The following NUP214 variants were observed in gnomAD, a reference collection of about 807,000 sequenced individuals.
NUP214 encodes nucleoporin 214, also known as nuclear pore complex protein Nup214.
In NUP214, 79 loss-of-function variants were observed where a neutral mutation model predicts 196.2. That is an observed-to-expected ratio of 0.40 (90% CI 0.34 to 0.49). The LOEUF (loss-of-function observed/expected upper bound fraction) is 0.49, where lower values mean the gene tolerates loss of function less well. NUP214 is among the 20% of genes least tolerant of loss of function. NUP214 has a pLI of 0.58. For synonymous variants in NUP214, 1,020 were observed against 990.5 expected (o/e 1.03, Z -0.56); for missense variants, 2,468 against 2,539.0 (o/e 0.97, Z 0.60).
At chr9:131,219,318 C>T (rs1021376129) in intron 31 of NUP214, among the ~76,000 whole-genome samples, 4 of 152,330 alleles carry the variant, frequency 2.6e-5, no homozygotes, top group South Asian at 4.1e-4. Flanking sequence ...GTTTACAGAA[C>T]GTCTCCCAGG....
At chr9:131,135,498 C>T (rs1831698913) in intron 8 of NUP214, among the ~76,000 whole-genome samples, 2 of 152,154 alleles carry the variant, frequency 1.3e-5, no homozygotes, top group Admixed American at 6.5e-5. Flanking sequence ...TAAATACATA[C>T]TAATTTCAAA....
At chr9:131,221,449 G>A (rs1334544080) in intron 31 of NUP214, among the ~76,000 whole-genome samples, 1 of 152,232 alleles carries the variant, frequency 6.6e-6, no homozygotes, top group African/African-American at 2.4e-5. Flanking sequence ...TGGATTAAGA[G>A]CATTGCATCT....
In NUP214 at chr9:131,129,373, C is replaced by A. The variant is rs746152867; in HGVS notation, c.488C>A (p.Ser163Tyr). 30 of 1,613,964 alleles carry A rather than the reference C, an allele frequency of 1.9e-5. No individual in the cohort carries two copies. The highest frequency in any genetic ancestry group is 2.7e-5 in the African/African-American group (2 of 74,926). ...IDMKWNPTVP[S>Y]MVAVCLADGS... The stretch of plus-strand genomic sequence containing the variant: ...ATGAAGTGGAACCCCACTGTCCCCT[C>A]CATGGTGGCAGTTTGTCTGGCTGAT... The change falls in exon 4 of 36, where the codon TCC becomes TAC. Residue 163 changes from serine (S) to tyrosine (Y), a missense_variant. By Grantham distance (144) the Ser-to-Tyr change is moderately radical. Coordinates refer to ENST00000359428, the MANE Select transcript of NUP214 (RefSeq NM_005085.4).
At chr9:131,139,953 G>C (rs1260591272) in intron 10 of NUP214, among the ~76,000 whole-genome samples, 1 of 152,156 alleles carries the variant, frequency 6.6e-6, no homozygotes, top group Non-Finnish European at 1.5e-5. Flanking sequence ...TTGCCATCTG[G>C]TACTTAAGTT....
chr9:131,125,893 C>T lies in NUP214; in HGVS notation c.45+144C>T. On this transcript the variant is annotated intron_variant, in intron 1 of 35. Transcript: ENST00000359428. This position sits in a 1 kb window ranked among gnomAD's most constrained non-coding sequence, Gnocchi z 4.1. Reference sequence around the variant, plus strand: ...TCACAGCTCTCACCAGCGCGTCTGCCGCGCCGCTGGCGTGATAGCCCCACC... The same window carrying T: ...TCACAGCTCTCACCAGCGCGTCTGCTGCGCCGCTGGCGTGATAGCCCCACC... 1.0e-6 allele frequency: 1 copy of T among 1,003,762 alleles called. No homozygotes were observed. The highest frequency in any genetic ancestry group is 1.5e-5 in the South Asian group (1 of 67,564). 62.2% of individuals were successfully genotyped at this position (1,003,762 alleles called of 1,614,324 possible). A position where few individuals can be genotyped will look rare whatever the true frequency, so the allele number is the denominator to read the frequency against.
At chr9:131,135,179 T>G in intron 8 of NUP214, 175 bp downstream of exon 8, 1 of 535,046 alleles carries the variant, frequency 1.9e-6, no homozygotes, top group Non-Finnish European at 3.3e-6. Flanking sequence ...AGCCTGGAAC[T>G]CCCAGGCTCA....
intron 17 of NUP214, among the ~76,000 whole-genome samples, chr9:131,156,073 A>G (rs1449311581): frequency 2.0e-5 from 3 of 151,078 alleles, no homozygotes; most frequent in African/African-American, 7.3e-5. Flanking sequence ...TTTTGACAGC[A>G]TGGTCATTTT....
chr9:131,130,468 CCTT>C (rs1186820028), intron 4 of NUP214, among the ~76,000 whole-genome samples: 1 of 152,186 alleles, frequency 6.6e-6, no homozygotes, highest in Non-Finnish European at 1.5e-5. Context: ...TATTTGGAAA[CCTT>C]CTCTGTTCTC....
At chr9:131,186,251 C>T (rs1460910674) in intron 24 of NUP214, among the ~76,000 whole-genome samples, 1 of 152,226 alleles carries the variant, frequency 6.6e-6, no homozygotes, top group Non-Finnish European at 1.5e-5. Flanking sequence ...CTGCTTCTGG[C>T]TTCAGTAGAA....
intron 33 of NUP214, chr9:131,229,830 A>AT (rs1195924190): frequency 1.0e-5 from 5 of 498,194 alleles, no homozygotes; most frequent in Non-Finnish European, 2.0e-5. Flanking sequence ...TTAAAAGTGA[A>AT]TAGAATGGTG....
chr9:131,145,463 T>C (rs543043216), intron 12 of NUP214, among the ~76,000 whole-genome samples: 1 of 152,258 alleles, frequency 6.6e-6, no homozygotes, highest in East Asian at 1.9e-4. Flanking sequence ...GCCTGTACTA[T>C]CTGTTGTTGC....
intron 30 of NUP214, among the ~76,000 whole-genome samples, chr9:131,209,320 G>A (rs1834171660): frequency 6.6e-6 from 1 of 152,194 alleles, no homozygotes; most frequent in African/African-American, 2.4e-5. Flanking sequence ...CAAGGCTGCT[G>A]CAGTGAGCTA....
Position 131,174,216 on chromosome 9 carries a change from G to T in NUP214, c.3055G>T (p.Val1019Phe), listed in dbSNP as rs565420026. ...VVQAPRHAPVVRTPSIQPSLL... is the reference protein window; with the variant it reads ...VVQAPRHAPVFRTPSIQPSLL... Reference sequence around the variant, plus strand: ...TCAGGCCCCTCGGCACGCCCCCGTGGTTCGCACTCCTTCCATCCAGCCCAG... The same window carrying T: ...TCAGGCCCCTCGGCACGCCCCCGTGTTTCGCACTCCTTCCATCCAGCCCAG... The change falls in exon 22 of 36, where the codon GTT becomes TTT. Residue 1019 changes from valine to phenylalanine, a missense_variant. By Grantham distance (50) the Val-to-Phe change is conservative. Around this residue, in one of 5 missense-constraint regions of NUP214, gnomAD observed 1,801 missense variants for 1,779.4 expected, o/e 1.01. Transcript: ENST00000359428. The T allele has an allele frequency of 6.2e-7, 1 of 1,613,918 alleles. No individual in the cohort carries two copies. Among genetic ancestry groups the T allele is most frequent in the Admixed American group, 1.7e-5 (1 of 59,962 alleles).
chr9:131,218,974 G>A (rs879605192), intron 31 of NUP214, among the ~76,000 whole-genome samples: 1 of 151,980 alleles, frequency 6.6e-6, no homozygotes, highest in Non-Finnish European at 1.5e-5. Flanking sequence ...TGAATGCAAG[G>A]CTGTTTCTGT....
At chr9:131,148,971 A>G (rs1832167011) in intron 14 of NUP214, among the ~76,000 whole-genome samples, 1 of 152,186 alleles carries the variant, frequency 6.6e-6, no homozygotes, top group African/African-American at 2.4e-5. Context: ...GGTCAAAAAG[A>G]TGTTTTTCTA....
At position 131,127,412 on chromosome 9, in the gene NUP214, C is replaced by T. The variant is rs549574488; in HGVS notation, c.46-112C>T. ...AAGAAAAAAAGACAATTGAGACAGA[C>T]CTTGGTCTCAGTAATACATATTTTT... On this transcript the variant is annotated intron_variant, in intron 1 of 35. Coordinates refer to ENST00000359428, the MANE Select transcript of NUP214 (RefSeq NM_005085.4). 48 of 810,150 alleles carry T rather than the reference C, an allele frequency of 5.9e-5. No individual in the cohort carries two copies. The African/African-American group carries it at 7.8e-4, about 13-fold the overall frequency. 50.2% of individuals were successfully genotyped at this position (810,150 alleles called of 1,614,324 possible).
At chr9:131,170,641 G>C (rs1486491514) in intron 21 of NUP214, among the ~76,000 whole-genome samples, 1 of 151,806 alleles carries the variant, frequency 6.6e-6, no homozygotes, top group Non-Finnish European at 1.5e-5. Context: ...AAATACCATT[G>C]ATTTATGTGT....
At position 131,233,466 on chromosome 9, in the gene NUP214, T is replaced by C; in HGVS notation, c.6252T>C (p.Gly2084=). The C allele has an allele frequency of 6.2e-7, 1 of 1,612,006 alleles. No individual in the cohort carries two copies. The highest frequency in any genetic ancestry group is 2.2e-5 in the East Asian group (1 of 44,784). ...TGCTTCCTTGCAGGTCTGTCCAGGG[T>C]TTTGGTGGCTGGCGAAGCTGAGGGC... The part of the protein sequence containing the change: ...SFGSNNSSVQ[G]FGGWRS Residue 2084 remains glycine, a synonymous_variant, in exon 36 of 36, where the codon GGT becomes GGC. Coordinates refer to ENST00000359428, the MANE Select transcript of NUP214 (RefSeq NM_005085.4).
At chr9:131,158,183 A>T (rs547437610) in intron 17 of NUP214, among the ~76,000 whole-genome samples, 1 of 152,200 alleles carries the variant, frequency 6.6e-6, no homozygotes, top group African/African-American at 2.4e-5. Context: ...TGTTCAAGTG[A>T]TTCTTGTGCC....
Sources: allele counts gnomAD v4.1 joint callset (sites outside exome capture counted in the v4.1 genomes callset), GRCh38; gene constraint gnomAD v4.1.1; regional missense constraint gnomAD v4.1.1; non-coding constraint Gnocchi (gnomAD v3.1); transcripts MANE v1.5; gene names NCBI Gene and HGNC (gene_info 2026-07-23, HGNC 2026-07-21).